Variants in BAZ1A observed in about 807,000 individuals in gnomAD.
BAZ1A encodes bromodomain adjacent to zinc finger domain 1A, also known as bromodomain adjacent to zinc finger domain protein 1A.
A neutral mutation model predicts 185.2 loss-of-function variants in BAZ1A; 50 were observed. The observed-to-expected ratio is 0.27, with a 90% confidence interval of 0.22 to 0.34. The LOEUF (loss-of-function observed/expected upper bound fraction) is 0.34, where lower values mean the gene tolerates loss of function less well. Among genes scored for constraint, BAZ1A ranks in the 10% least tolerant of loss-of-function variants. BAZ1A has a pLI of 1.00. For missense variants in BAZ1A, 1,356 were observed against 1,839.9 expected (o/e 0.74, Z 4.81); for synonymous variants, 571 against 615.6 (o/e 0.93, Z 1.07).
chr14:34,801,014 C>T (rs929868662), intron 8 of BAZ1A, 80 bp downstream of exon 8: 18 of 976,862 alleles, frequency 1.8e-5, no homozygotes, highest in African/African-American at 1.7e-4. Flanking sequence ...CATGCCATTT[C>T]GGAAACATCC....
intron 3 of BAZ1A, among the ~76,000 whole-genome samples, chr14:34,846,298 C>T (rs2042510889): frequency 6.6e-6 from 1 of 152,114 alleles, no homozygotes; most frequent in Non-Finnish European, 1.5e-5. Flanking sequence ...ACCGTAAGTC[C>T]TGGTGGAGAC....
intron 3 of BAZ1A, among the ~76,000 whole-genome samples, chr14:34,846,149 C>CG (rs1434761364): frequency 2.6e-5 from 4 of 152,160 alleles, no homozygotes; most frequent in Admixed American, 2.6e-4. Context: ...ACTTCACCAC[C>CG]CTGCTGCTAA....
intron 24 of BAZ1A, among the ~76,000 whole-genome samples, chr14:34,759,315 G>T (rs1443291891): frequency 6.6e-6 from 1 of 151,494 alleles, no homozygotes; most frequent in Non-Finnish European, 1.5e-5. Flanking sequence ...TGAGTAGCTG[G>T]AACTATAGGC....
In BAZ1A at chr14:34,809,323, T is replaced by C. The variant is rs569037938; in HGVS notation, c.638+1612A>G. ...ATTACTTGTTGACTACTGAAGAAACTAGTCCTGAAGGACTTCATTAGTTTA... is the reference window on the plus strand; with the variant it reads ...ATTACTTGTTGACTACTGAAGAAACCAGTCCTGAAGGACTTCATTAGTTTA... On this transcript the variant is annotated intron_variant, in intron 5 of 26. Transcript: ENST00000360310. Among the ~76,000 whole-genome samples, 3 of 152,178 alleles carry C rather than the reference T, an allele frequency of 2.0e-5. No homozygotes were observed. The South Asian group carries it at 6.2e-4, about 32-fold the overall frequency.
rs145675154 is a variant in BAZ1A, at chr14:34,841,413, G to A, written c.393-15257C>T. Reference sequence around the variant, plus strand: ...TTACCTGTGTTTTCTTTTTTTTGGAGACAGTCTCGCTTTGTCGCCCAGGCT... The same window carrying A: ...TTACCTGTGTTTTCTTTTTTTTGGAAACAGTCTCGCTTTGTCGCCCAGGCT... On this transcript the variant is annotated intron_variant, in intron 3 of 26. Transcript: ENST00000360310. Among the ~76,000 whole-genome samples the A allele has an allele frequency of 3.7e-4, 56 of 151,862 alleles. 1 individual carries two copies. In the East Asian group the frequency reaches 0.011, roughly 29 times the overall value.
intron 12 of BAZ1A, among the ~76,000 whole-genome samples, chr14:34,791,420 G>A (rs1039941081): frequency 1.3e-5 from 2 of 152,104 alleles, no homozygotes; most frequent in African/African-American, 4.8e-5. Context: ...AATTATCTGA[G>A]GTGACAATAG....
intron 3 of BAZ1A, among the ~76,000 whole-genome samples, chr14:34,850,600 A>G (rs185865627): frequency 1.1e-3 from 161 of 152,324 alleles, no homozygotes; most frequent in African/African-American, 3.8e-3. Flanking sequence ...TGTATTCCAA[A>G]GAATTTGAAC....
intron 9 of BAZ1A, among the ~76,000 whole-genome samples, chr14:34,799,676 A>T (rs1282951351): frequency 1.3e-5 from 2 of 151,322 alleles, no homozygotes; most frequent in Admixed American, 1.3e-4. Context: ...CAGTGGCGTG[A>T]TCTTGGCTCA....
chr14:34,757,993 C>T (rs1474268592), intron 25 of BAZ1A, among the ~76,000 whole-genome samples: 14 of 150,972 alleles, frequency 9.3e-5, no homozygotes, highest in Non-Finnish European at 1.3e-4. Context: ...GTGATCCGCC[C>T]GCCTCGGCCT....
chr14:34,771,678 A>G lies in BAZ1A; in HGVS notation c.3153-19T>C. 6.2e-7 allele frequency: 1 copy of G among 1,609,550 alleles called. No individual in the cohort carries two copies. The highest frequency in any genetic ancestry group is 8.5e-7 in the Non-Finnish European group (1 of 1,178,216). Reference sequence around the variant, plus strand: ...CAAAAGTCTACAATTAAAACAATTAAGAGTTTATGGTACTTAAAAACACTA... The same window carrying G: ...CAAAAGTCTACAATTAAAACAATTAGGAGTTTATGGTACTTAAAAACACTA... On this transcript the variant is annotated intron_variant, in intron 20 of 26. Transcript: ENST00000360310.
intron 2 of BAZ1A, among the ~76,000 whole-genome samples, chr14:34,871,629 T>A (rs1359650608): frequency 6.6e-6 from 1 of 152,204 alleles, no homozygotes; most frequent in African/African-American, 2.4e-5. Flanking sequence ...TCCCAACACT[T>A]CGGGAGGCCG....
intron 4 of BAZ1A, among the ~76,000 whole-genome samples, chr14:34,817,020 A>T (rs1456113390): frequency 6.6e-6 from 1 of 152,190 alleles, no homozygotes; most frequent in African/African-American, 2.4e-5. Context: ...AAGAGTAAAA[A>T]AAAAATTATT....
In BAZ1A at chr14:34,824,154, G is replaced by A. The variant is rs369344264; in HGVS notation, c.536+1859C>T. Among the ~76,000 whole-genome samples, 132 of 147,056 alleles carry A rather than the reference G, an allele frequency of 9.0e-4. 1 individual carries two copies. Among genetic ancestry groups the A allele is most frequent in the African/African-American group, 3.1e-3 (125 of 39,844 alleles). ...AAGAGACTGAGGTGGGAAGCCAGGA[G>A]TTTGACACCAGCCTGGGCTATATAG... is the stretch of plus-strand genomic sequence containing the variant. On this transcript the variant is annotated intron_variant, in intron 4 of 26. Transcript: ENST00000360310.
At chr14:34,798,691 C>T (rs1881339700) in intron 9 of BAZ1A, among the ~76,000 whole-genome samples, 1 of 152,206 alleles carries the variant, frequency 6.6e-6, no homozygotes, top group Admixed American at 6.5e-5. Flanking sequence ...GAGATACCAT[C>T]TCACAGCAGT....
chr14:34,810,267 C>CAACA (rs2041911443), intron 5 of BAZ1A, among the ~76,000 whole-genome samples: 1 of 152,100 alleles, frequency 6.6e-6, no homozygotes, highest in South Asian at 2.1e-4. Context: ...ACCCAACAGA[C>CAACA]AACAATAGGG....
intron 4 of BAZ1A, among the ~76,000 whole-genome samples, chr14:34,819,833 A>G (rs61988013): frequency 0.21 from 32,497 of 152,110 alleles, 3,749 homozygotes; most frequent in Non-Finnish European, 0.26. Flanking sequence ...GTTTGGTACT[A>G]TAAGAAACTG....
chr14:34,859,683 A>G (rs1396975127), intron 3 of BAZ1A, among the ~76,000 whole-genome samples: 1 of 152,116 alleles, frequency 6.6e-6, no homozygotes, highest in African/African-American at 2.4e-5. Context: ...TCTTTTTCAT[A>G]TGCCACCTCT....
intron 3 of BAZ1A, among the ~76,000 whole-genome samples, chr14:34,852,682 C>T (rs1021841843): frequency 7.2e-5 from 11 of 152,252 alleles, no homozygotes; most frequent in African/African-American, 2.6e-4. Context: ...AAGACATCTA[C>T]ATGAATGGCA....
intron 3 of BAZ1A, among the ~76,000 whole-genome samples, chr14:34,832,211 C>CATAT (rs1181710627): frequency 3.1e-5 from 2 of 65,444 alleles, no homozygotes; most frequent in Non-Finnish European, 7.1e-5. Flanking sequence ...CACACACACA[C>CATAT]ACACATATAT....
Sources: allele counts gnomAD v4.1 joint callset (sites outside exome capture counted in the v4.1 genomes callset), GRCh38; gene constraint gnomAD v4.1.1; transcripts MANE v1.5; gene names NCBI Gene and HGNC (gene_info 2026-07-23, HGNC 2026-07-21).